NLGN1: variants seen among roughly 807,000 people sequenced by gnomAD.
NLGN1 encodes neuroligin 1, also known as neuroligin-1.
A neutral mutation model predicts 65.5 loss-of-function variants in NLGN1; 12 were observed. The ratio of observed to expected loss-of-function variants is 0.18; its 90% CI spans 0.12 to 0.30. The LOEUF is 0.30. NLGN1 is among the 10% of genes least tolerant of loss of function. The pLI is 1.00. For synonymous variants in NLGN1, 350 were observed against 359.5 expected, an observed-to-expected ratio of 0.97 and a Z score of 0.30; for missense variants, 750 against 1,007.1, an observed-to-expected ratio of 0.74 and a Z score of 3.46.
intron 2 of NLGN1, among the ~76,000 whole-genome samples, chr3:173,438,193 T>C (rs955457460): frequency 6.6e-6 from 1 of 152,008 alleles, no homozygotes; most frequent in Non-Finnish European, 1.5e-5. Flanking sequence ...GGTGGTTTTT[T>C]CCCCCTTTGG....
At chr3:174,244,869 C>A (rs1180224108) in intron 4 of NLGN1, among the ~76,000 whole-genome samples, 1 of 152,156 alleles carries the variant, frequency 6.6e-6, no homozygotes, top group African/African-American at 2.4e-5. Flanking sequence ...TTACTTTGCA[C>A]TCTTATTATT....
intron 4 of NLGN1, among the ~76,000 whole-genome samples, chr3:173,820,223 T>C (rs1396448396): frequency 1.3e-5 from 2 of 151,158 alleles, no homozygotes. Context: ...GTAGCAATCC[T>C]TTACCTCAAT....
chr3:173,701,841 A>G (rs1578026268), intron 3 of NLGN1, among the ~76,000 whole-genome samples: 1 of 152,338 alleles, frequency 6.6e-6, no homozygotes, highest in East Asian at 1.9e-4. Flanking sequence ...GATAGAGATG[A>G]GATGAATTGG....
chr3:173,437,833 TACAG>T lies in NLGN1; in HGVS notation c.-321+2759_-321+2762del, dbSNP rs370361026. Among the ~76,000 whole-genome samples, 457 of 151,918 alleles carry T rather than the reference TACAG, an allele frequency of 3.0e-3. 1 individual carries two copies. Among genetic ancestry groups the T allele is most frequent in the African/African-American group, 0.011 (443 of 41,296 alleles). ...CACACACACACGTGCTGTATTGTGT[TACAG>T]ACAAAGGTCTGCTATCTTTGCCTTC... On this transcript the variant is annotated intron_variant, in intron 2 of 6. Transcript: ENST00000457714.
chr3:174,095,965 A>T (rs1745445303), intron 4 of NLGN1, among the ~76,000 whole-genome samples: 1 of 151,976 alleles, frequency 6.6e-6, no homozygotes, highest in Non-Finnish European at 1.5e-5. Context: ...GCGCCACTGC[A>T]CTCCAGCCTG....
At chr3:173,993,758 T>C (rs965504515) in intron 4 of NLGN1, among the ~76,000 whole-genome samples, 6 of 151,982 alleles carry the variant, frequency 3.9e-5, no homozygotes, top group African/African-American at 1.5e-4. Flanking sequence ...GAAGTACATA[T>C]ATATAGTGTG....
chr3:174,070,804 T>C (rs1225504342), intron 4 of NLGN1, among the ~76,000 whole-genome samples: 7 of 152,276 alleles, frequency 4.6e-5, no homozygotes, highest in African/African-American at 1.7e-4. Flanking sequence ...CCTATAATTC[T>C]AACACTTTGG....
chr3:174,114,616 C>A (rs1391241944), intron 4 of NLGN1, among the ~76,000 whole-genome samples: 1 of 152,036 alleles, frequency 6.6e-6, no homozygotes, highest in African/African-American at 2.4e-5. Flanking sequence ...AGTATGTTTC[C>A]TTTTAAATTA....
chr3:173,992,000 G>A (rs545468760), intron 4 of NLGN1, among the ~76,000 whole-genome samples: 2 of 152,120 alleles, frequency 1.3e-5, no homozygotes, highest in East Asian at 1.9e-4. Flanking sequence ...GCTAATTTTT[G>A]TATTTTTAGT....
intron 1 of NLGN1, among the ~76,000 whole-genome samples, chr3:173,408,667 C>T (rs1711804017): frequency 6.6e-6 from 1 of 152,198 alleles, no homozygotes; most frequent in Admixed American, 6.5e-5. Flanking sequence ...AATCCCAGCA[C>T]TTTGGGAGGC....
intron 4 of NLGN1, among the ~76,000 whole-genome samples, chr3:174,169,081 C>A (rs952174440): frequency 6.6e-6 from 1 of 152,092 alleles, no homozygotes; most frequent in Non-Finnish European, 1.5e-5. Flanking sequence ...TGGAGATCTG[C>A]CTGGGCATGG....
chr3:173,624,840 T>G (rs1425819877), intron 3 of NLGN1, among the ~76,000 whole-genome samples: 12 of 606 alleles, frequency 0.02, no homozygotes, highest in African/African-American at 0.094. Context: ...TTTATAATTG[T>G]TTTTTTTTTT....
chr3:174,133,408 C>T (rs1339898764), intron 4 of NLGN1, among the ~76,000 whole-genome samples: 1 of 152,160 alleles, frequency 6.6e-6, no homozygotes, highest in East Asian at 1.9e-4. Context: ...GGGATCCATT[C>T]CTCTTTTTCC....
At chr3:174,106,980 T>TCACACACACACA (rs370193288) in intron 4 of NLGN1, among the ~76,000 whole-genome samples, 1 of 113,094 alleles carries the variant, frequency 8.8e-6, no homozygotes. Flanking sequence ...TCTTCAAGAA[T>TCACACACACACA]CACACACACA....
rs1312679852 is a variant in NLGN1, at chr3:173,603,781, T to C, written c.-320-498T>C. 4.6e-5 allele frequency among the ~76,000 whole-genome samples: 7 copies of C among 152,188 alleles called. No homozygotes were observed. The East Asian group carries it at 1.2e-3, about 25-fold the overall frequency. On this transcript the variant is annotated intron_variant, in intron 2 of 6. Coordinates refer to ENST00000457714, the Ensembl canonical transcript of NLGN1. The stretch of plus-strand genomic sequence containing the variant: ...TTTTCTTGTCCTCATATTATCTTGC[T>C]TTTTTTGATAAGCATGGGATTGGGA...
chr3:173,434,958 G>A (rs247978), intron 1 of NLGN1: 43,855 of 152,470 alleles, frequency 0.29, 6,545 homozygotes, highest in Middle Eastern at 0.39. Context: ...GCTCAGTTCC[G>A]TGTCACTAAT....
intron 1 of NLGN1, among the ~76,000 whole-genome samples, chr3:173,415,055 C>G (rs1184375367): frequency 6.6e-6 from 1 of 152,216 alleles, no homozygotes; most frequent in East Asian, 1.9e-4. Context: ...TCTCCTTGGT[C>G]TTTGATTCTT....
At chr3:173,641,183 A>G (rs1195627374) in intron 3 of NLGN1, among the ~76,000 whole-genome samples, 1 of 152,174 alleles carries the variant, frequency 6.6e-6, no homozygotes, top group African/African-American at 2.4e-5. Flanking sequence ...TTCTTTCTAA[A>G]ACACCATTTA....
chr3:174,264,962 C>A (rs1747741609), intron 4 of NLGN1, among the ~76,000 whole-genome samples: 1 of 152,062 alleles, frequency 6.6e-6, no homozygotes, highest in Non-Finnish European at 1.5e-5. Flanking sequence ...TCAGTGTGCC[C>A]CTGCTGGGGG....
Sources: gnomAD v4.1 joint callset for allele counts (sites outside exome capture counted in the v4.1 genomes callset) on GRCh38, gnomAD v4.1.1 for gene constraint, MANE v1.5 for transcripts, NCBI Gene and HGNC (gene_info 2026-07-23, HGNC 2026-07-21) for gene names.